The following CSMD1 variants were observed in gnomAD, a reference collection of about 807,000 sequenced individuals.
CSMD1 encodes CUB and sushi domain-containing protein 1.
CSMD1 carries 213 observed loss-of-function variants against 417.5 expected under a neutral mutation model. The observed-to-expected ratio is 0.51, with a 90% CI of 0.46 to 0.57. The LOEUF is 0.57. CSMD1 is among the 20% of genes least tolerant of loss of function. CSMD1 has a pLI of 0.00. For missense variants in CSMD1, 6,923 were observed against 4,529.7 expected (o/e 1.53, Z -15.17); for synonymous variants, 2,862 against 1,736.8 (o/e 1.65, Z -16.11).
intron 37 of CSMD1, among the ~76,000 whole-genome samples, chr8:3,164,245 T>C (rs1408974612): frequency 4.6e-5 from 7 of 152,172 alleles, no homozygotes; most frequent in African/African-American, 1.4e-4. Context: ...ACAGAACCCA[T>C]TGATTCTGTA....
At chr8:4,303,637 G>T (rs1798101259) in intron 3 of CSMD1, among the ~76,000 whole-genome samples, 1 of 151,800 alleles carries the variant, frequency 6.6e-6, no homozygotes, top group African/African-American at 2.4e-5. Flanking sequence ...AGGTGACTGG[G>T]AAGTTTTTCA....
intron 10 of CSMD1, among the ~76,000 whole-genome samples, chr8:3,513,335 C>A (rs917764194): frequency 6.7e-6 from 1 of 149,180 alleles, no homozygotes; most frequent in Non-Finnish European, 1.5e-5. Context: ...CACTTGCCCA[C>A]AGATTTTTTT....
At chr8:3,153,867 C>T (rs1819350414) in intron 39 of CSMD1, among the ~76,000 whole-genome samples, 1 of 152,192 alleles carries the variant, frequency 6.6e-6, no homozygotes, top group African/African-American at 2.4e-5. Flanking sequence ...GTTAAAACCA[C>T]GGTAATCCTT....
chr8:4,709,767 G>T, intron 1 of CSMD1, among the ~76,000 whole-genome samples: 1 of 152,192 alleles, frequency 6.6e-6, no homozygotes, highest in Non-Finnish European at 1.5e-5. Flanking sequence ...CGTCCCTATG[G>T]CTCCCAGGGA....
At chr8:3,847,565 G>A (rs1312516695) in intron 5 of CSMD1, among the ~76,000 whole-genome samples, 1 of 152,136 alleles carries the variant, frequency 6.6e-6, no homozygotes. Context: ...CTTGACTGCT[G>A]CTTCTTGAGG....
intron 2 of CSMD1, among the ~76,000 whole-genome samples, chr8:4,457,395 A>G (rs1217680): frequency 0.8 from 121,089 of 151,994 alleles, 48,559 homozygotes; most frequent in South Asian, 0.92. Flanking sequence ...TGGAACAGGA[A>G]GGGAATGTTT....
rs1381147934 is a variant in CSMD1, at chr8:4,538,421, TCA to T, written c.302+98919_302+98920del. On this transcript the variant is annotated intron_variant, in intron 2 of 69. Transcript: ENST00000635120. ...ACTTTGGGAGGCCGAGGCAGGGAGATCACCTGAGATCAGGAGTTTGAGACCAG... is the reference window on the plus strand; with the variant it reads ...ACTTTGGGAGGCCGAGGCAGGGAGATCCTGAGATCAGGAGTTTGAGACCAG... Among the ~76,000 whole-genome samples the T allele has an allele frequency of 6.6e-5, 10 of 152,054 alleles. No homozygotes were observed. The East Asian group carries it at 1.9e-3, about 29-fold the overall frequency.
chr8:3,787,565 T>C (rs1418235515), intron 5 of CSMD1, among the ~76,000 whole-genome samples: 3 of 152,116 alleles, frequency 2.0e-5, no homozygotes, highest in Non-Finnish European at 4.4e-5. Flanking sequence ...AAGATACAGA[T>C]TTTCCAGGTA....
chr8:3,356,874 G>C (rs1462198480), intron 21 of CSMD1, among the ~76,000 whole-genome samples: 2 of 152,196 alleles, frequency 1.3e-5, no homozygotes, highest in Admixed American at 6.5e-5. Context: ...TGGAGGGAGA[G>C]TGATTGCTCT....
intron 2 of CSMD1, among the ~76,000 whole-genome samples, chr8:4,536,388 T>G (rs1797104288): frequency 1.3e-5 from 2 of 152,168 alleles, no homozygotes; most frequent in South Asian, 4.1e-4. Flanking sequence ...TCCTTACAAT[T>G]TTAAATTTAA....
intron 3 of CSMD1, among the ~76,000 whole-genome samples, chr8:4,371,715 T>C (rs554494594): frequency 2.0e-5 from 3 of 152,366 alleles, no homozygotes; most frequent in African/African-American, 7.2e-5. Flanking sequence ...ACTTTGTATG[T>C]ATGTATGTTT....
chr8:4,541,467 G>C (rs1178864375), intron 2 of CSMD1, among the ~76,000 whole-genome samples: 2 of 152,136 alleles, frequency 1.3e-5, no homozygotes, highest in East Asian at 3.9e-4. Context: ...ATCAAAAATC[G>C]GTAGGCGTCG....
At chr8:3,698,082 G>A (rs546201352) in intron 7 of CSMD1, among the ~76,000 whole-genome samples, 4 of 151,940 alleles carry the variant, frequency 2.6e-5, no homozygotes, top group Non-Finnish European at 4.4e-5. Flanking sequence ...TGATATAAAC[G>A]GTATGATGAA....
At chr8:4,568,697 C>G (rs112075071) in intron 2 of CSMD1, among the ~76,000 whole-genome samples, 1 of 152,178 alleles carries the variant, frequency 6.6e-6, no homozygotes, top group Non-Finnish European at 1.5e-5. Flanking sequence ...AATTGCCACA[C>G]TGTCTTCCAC....
At chr8:3,018,433 G>A in intron 52 of CSMD1, 44 bp downstream of exon 52, 1 of 1,576,728 alleles carries the variant, frequency 6.3e-7, no homozygotes, top group African/African-American at 1.3e-5. Context: ...CTATTTCTAA[G>A]GTTTATCTGC....
chr8:3,624,893 A>G (rs545038415), intron 7 of CSMD1, among the ~76,000 whole-genome samples: 5 of 152,216 alleles, frequency 3.3e-5, no homozygotes, highest in Non-Finnish European at 7.3e-5. Context: ...CAGGAGGTTT[A>G]TATCTCAGCA....
intron 36 of CSMD1, among the ~76,000 whole-genome samples, chr8:3,182,284 T>C (rs1417495423): frequency 2.6e-5 from 4 of 152,206 alleles, no homozygotes; most frequent in Non-Finnish European, 4.4e-5. Context: ...TCTCGCTCTG[T>C]CACCCAGGCT....
At chr8:3,266,805 AC>A (rs1481525228) in intron 26 of CSMD1, among the ~76,000 whole-genome samples, 4 of 149,332 alleles carry the variant, frequency 2.7e-5, no homozygotes, top group East Asian at 2.0e-4. Context: ...AAAAAGGACC[AC>A]CCTCAGATGA....
rs551106109 is a variant in CSMD1, at chr8:3,886,203, C to A, written c.818+111700G>T. Among the ~76,000 whole-genome samples, 19 of 152,230 alleles carry A rather than the reference C, an allele frequency of 1.2e-4. No individual in the cohort carries two copies. The South Asian group carries it at 3.9e-3, about 32-fold the overall frequency. ...TAGGTGGGATTACAGGTGTCCACCA[C>A]CATGCCCAGCTAATTTCTGTATTTT... On this transcript the variant is annotated intron_variant, in intron 5 of 69. Transcript: ENST00000635120.
Sources: allele counts gnomAD v4.1 joint callset (sites outside exome capture counted in the v4.1 genomes callset), GRCh38; gene constraint gnomAD v4.1.1; transcripts MANE v1.5; gene names NCBI Gene and HGNC (gene_info 2026-07-23, HGNC 2026-07-21).